The following MGAT4C variants were observed in gnomAD, a reference collection of about 807,000 sequenced individuals.
MGAT4C encodes alpha-1,3-mannosyl-glycoprotein 4-beta-N-acetylglucosaminyltransferase C.
Under a neutral mutation model 40.1 loss-of-function variants are expected in MGAT4C, and 19 were observed. That is an observed-to-expected ratio of 0.47 (90% CI 0.33 to 0.70). The LOEUF is 0.70. Ranked by LOEUF, MGAT4C falls within the 30% of genes least tolerant of loss-of-function variation. The probability of loss-of-function intolerance (pLI) is 0.02; values close to 1 mark genes in which losing one functional copy is unlikely to be tolerated. For missense variants in MGAT4C, 491 were observed against 563.2 expected, an observed-to-expected ratio of 0.87 and a Z score of 1.30; for synonymous variants, 181 against 187.1, an observed-to-expected ratio of 0.97 and a Z score of 0.27.
intron 2 of MGAT4C, among the ~76,000 whole-genome samples, chr12:86,033,619 C>A (rs1890960158): frequency 1.3e-5 from 2 of 149,634 alleles, no homozygotes; most frequent in African/African-American, 4.9e-5. Context: ...TGAAACTTTG[C>A]TGAAGTTGTT....
At chr12:86,566,531 CATATATATATATATAT>C (rs71078910) in intron 2 of MGAT4C, among the ~76,000 whole-genome samples, 1,012 of 39,864 alleles carry the variant, frequency 0.025, 31 homozygotes, top group African/African-American at 0.06. Flanking sequence ...AACTCATATA[CATATATATATATATAT>C]ATATATATAT....
intron 1 of MGAT4C, among the ~76,000 whole-genome samples, chr12:86,779,924 TAAAAAA>T (rs1056589895): frequency 1.3e-5 from 2 of 151,076 alleles, no homozygotes; most frequent in African/African-American, 4.8e-5. Flanking sequence ...AAAATAAAAA[TAAAAAA>T]TAATAATATT....
intron 1 of MGAT4C, among the ~76,000 whole-genome samples, chr12:86,784,431 A>C (rs1951897600): frequency 1.3e-5 from 2 of 152,212 alleles, no homozygotes; most frequent in South Asian, 2.1e-4. Flanking sequence ...GCAAGCAAAA[A>C]GGGAATGTCA....
At chr12:86,069,323 G>T (rs1159260406) in intron 1 of MGAT4C, among the ~76,000 whole-genome samples, 1 of 152,136 alleles carries the variant, frequency 6.6e-6, no homozygotes, top group Admixed American at 6.6e-5. Flanking sequence ...CTGAGATAAT[G>T]TAGATTTACT....
intron 2 of MGAT4C, among the ~76,000 whole-genome samples, chr12:86,012,778 A>ACC (rs1888608951): frequency 2.9e-5 from 4 of 136,348 alleles, no homozygotes; most frequent in East Asian, 2.5e-4. Context: ...CAACAACAAC[A>ACC]ACCACCACCA....
chr12:86,678,967 A>G (rs1233960752), intron 2 of MGAT4C, among the ~76,000 whole-genome samples: 1 of 152,068 alleles, frequency 6.6e-6, no homozygotes, highest in Non-Finnish European at 1.5e-5. Context: ...GCTGGGTCAA[A>G]TGGTATTTCT....
intron 1 of MGAT4C, among the ~76,000 whole-genome samples, chr12:86,249,789 C>T (rs894186245): frequency 6.6e-6 from 1 of 152,198 alleles, no homozygotes; most frequent in Admixed American, 6.6e-5. Context: ...ATATCCTTTG[C>T]CCACCTGTAC....
At chr12:86,390,591 A>G (rs1272246033) in intron 3 of MGAT4C, among the ~76,000 whole-genome samples, 1 of 152,194 alleles carries the variant, frequency 6.6e-6, no homozygotes, top group African/African-American at 2.4e-5. Context: ...AAATCATACT[A>G]TTCAGACATA....
At chr12:86,544,114 C>T (rs771802629) in intron 2 of MGAT4C, among the ~76,000 whole-genome samples, 1 of 152,124 alleles carries the variant, frequency 6.6e-6, no homozygotes, top group African/African-American at 2.4e-5. Flanking sequence ...CCAAACAAGT[C>T]ACATAGCCAA....
intron 1 of MGAT4C, among the ~76,000 whole-genome samples, chr12:86,146,910 T>A (rs1883593723): frequency 6.6e-6 from 1 of 152,104 alleles, no homozygotes; most frequent in African/African-American, 2.4e-5. Flanking sequence ...CACCTGGCAA[T>A]GTCCTACATA....
At chr12:86,130,185 C>A (rs1880966272) in intron 1 of MGAT4C, among the ~76,000 whole-genome samples, 1 of 151,970 alleles carries the variant, frequency 6.6e-6, no homozygotes, top group African/African-American at 2.4e-5. Flanking sequence ...TAATTTTCAT[C>A]AAAAATATAA....
intron 2 of MGAT4C, among the ~76,000 whole-genome samples, chr12:85,999,581 G>GTATA (rs1158075465): frequency 8.6e-6 from 1 of 116,732 alleles, no homozygotes; most frequent in Non-Finnish European, 1.8e-5. Context: ...GTGTGTGTGT[G>GTATA]TGTATATATA....
chr12:86,056,756 G>A (rs1267527180), intron 1 of MGAT4C, among the ~76,000 whole-genome samples: 1 of 152,136 alleles, frequency 6.6e-6, no homozygotes, highest in Admixed American at 6.6e-5. Context: ...CCCAGTAATA[G>A]GATCGCTGGA....
chr12:86,425,994 A>G (rs915525389), intron 3 of MGAT4C, among the ~76,000 whole-genome samples: 4 of 152,210 alleles, frequency 2.6e-5, no homozygotes, highest in African/African-American at 9.6e-5. Flanking sequence ...ATCTCAATAA[A>G]ATAAAAATTA....
At chr12:86,543,065 G>T (rs1959176148) in intron 2 of MGAT4C, among the ~76,000 whole-genome samples, 2 of 152,030 alleles carry the variant, frequency 1.3e-5, no homozygotes, top group African/African-American at 4.8e-5. Context: ...TCTGTTTAAA[G>T]AAATTTTATT....
At chr12:86,481,353 G>A in intron 2 of MGAT4C, among the ~76,000 whole-genome samples, 1 of 151,960 alleles carries the variant, frequency 6.6e-6, no homozygotes, top group Admixed American at 6.6e-5. Flanking sequence ...TAGTGTGAGG[G>A]AAATGATTGC....
rs373253447 is a variant in MGAT4C, at chr12:86,595,636, C to T, written c.-229+131573G>A. 3.3e-5 allele frequency among the ~76,000 whole-genome samples: 5 copies of T among 151,988 alleles called. No homozygotes were observed. The East Asian group carries it at 7.7e-4, about 23-fold the overall frequency. On this transcript the variant is annotated intron_variant, in intron 2 of 7. Coordinates refer to the MGAT4C transcript ENST00000548651. ...GATAGACTGCATATTAAGAATTTTA[C>T]ATCCTTGTAACTTACTGTATGGCCA...
intron 3 of MGAT4C, among the ~76,000 whole-genome samples, chr12:86,418,908 T>C (rs1164210174): frequency 6.6e-6 from 1 of 152,110 alleles, no homozygotes; most frequent in Non-Finnish European, 1.5e-5. Flanking sequence ...AAAATAACAG[T>C]AGAAAGTTGA....
At chr12:86,618,828 G>A (rs1962545342) in intron 2 of MGAT4C, among the ~76,000 whole-genome samples, 1 of 152,016 alleles carries the variant, frequency 6.6e-6, no homozygotes, top group Admixed American at 6.6e-5. Context: ...AATTTGAAAT[G>A]TTCCCCACAC....
Sources: gnomAD v4.1 joint callset for allele counts (sites outside exome capture counted in the v4.1 genomes callset) on GRCh38, gnomAD v4.1.1 for gene constraint, MANE v1.5 for transcripts, NCBI Gene and HGNC (gene_info 2026-07-23, HGNC 2026-07-21) for gene names.